The following LRRIQ1 variants were observed in gnomAD, a reference collection of about 807,000 sequenced individuals.
The protein encoded by LRRIQ1 is leucine rich repeats and IQ motif containing 1.
A neutral mutation model predicts 211.9 loss-of-function variants in LRRIQ1; 210 were observed. The ratio of observed to expected loss-of-function variants is 0.99; its 90% CI spans 0.89 to 1.11. The LOEUF (loss-of-function observed/expected upper bound fraction) is 1.11. Ranked by LOEUF, LRRIQ1 falls within the 50% of genes most tolerant of loss-of-function variation. LRRIQ1 has a pLI of 0.00. For missense variants in LRRIQ1, 2,136 were observed against 1,939.5 expected (o/e 1.10, Z -1.90); for synonymous variants, 699 against 650.1 (o/e 1.08, Z -1.14).
In LRRIQ1 at chr12:85,244,800, A is replaced by T; in HGVS notation, c.5028A>T (p.Val1676=). The change falls in exon 27 of 27, where the codon GTA becomes GTT. Residue 1676 remains valine (V), a synonymous_variant. Transcript: ENST00000393217. Reference sequence around the variant, plus strand: ...TCCATTGCTCCCAGGCAAGACTTGTAAGCAGAGAAGACACGGATTTAGACC... The same window carrying T: ...TCCATTGCTCCCAGGCAAGACTTGTTAGCAGAGAAGACACGGATTTAGACC... ...GGRVQLVARL[V]SREDTDLDLF... 6.2e-7 allele frequency: 1 copy of T among 1,611,178 alleles called. No individual in the cohort carries two copies. Among genetic ancestry groups the T allele is most frequent in the South Asian group, 1.1e-5 (1 of 90,948 alleles).
intron 24 of LRRIQ1, among the ~76,000 whole-genome samples, chr12:85,196,799 A>G (rs1892941308): frequency 6.6e-6 from 1 of 152,056 alleles, no homozygotes; most frequent in Non-Finnish European, 1.5e-5. Flanking sequence ...ACCAAAAGCA[A>G]TGGCAACAAA....
At chr12:85,225,120 T>C (rs960487641) in intron 24 of LRRIQ1, among the ~76,000 whole-genome samples, 1 of 152,174 alleles carries the variant, frequency 6.6e-6, no homozygotes, top group Non-Finnish European at 1.5e-5. Flanking sequence ...GCACTTATAC[T>C]GAACATGTAC....
intron 26 of LRRIQ1, among the ~76,000 whole-genome samples, chr12:85,242,376 A>G (rs1390156410): frequency 6.6e-6 from 1 of 151,928 alleles, no homozygotes; most frequent in African/African-American, 2.4e-5. Context: ...GAGTATAACA[A>G]CTATTTATGT....
Position 85,127,842 on chromosome 12 carries a change from G to T in LRRIQ1, c.4018G>T (p.Val1340Leu). ...TTCTCCTCTTAATAGTATGGCAGCT[G>T]TGGTAATCCAGTCATACTGGCGTGG... ...IEPSEKIMAA[V>L]VIQSYWRGYL... The change falls in exon 18 of 27, where the codon GTG becomes TTG. Residue 1340 changes from valine to leucine, a missense_variant. Val to Leu is a conservative substitution (Grantham distance 32, BLOSUM62 1). Transcript: ENST00000393217. The T allele has an allele frequency of 6.2e-7, 1 of 1,613,594 alleles. No homozygotes were observed.
intron 24 of LRRIQ1, among the ~76,000 whole-genome samples, chr12:85,227,154 C>A (rs548316536): frequency 2.0e-5 from 3 of 152,026 alleles, no homozygotes; most frequent in African/African-American, 7.3e-5. Flanking sequence ...TACAGTCCCA[C>A]CAACAGTGTA....
At chr12:85,195,702 A>T (rs1212114715) in intron 24 of LRRIQ1, among the ~76,000 whole-genome samples, 1 of 151,854 alleles carries the variant, frequency 6.6e-6, no homozygotes, top group Admixed American at 6.6e-5. Flanking sequence ...ATCTATGACA[A>T]ACCCACAGCC....
chr12:85,066,215 A>G (rs1026737576), intron 9 of LRRIQ1, among the ~76,000 whole-genome samples: 1 of 151,794 alleles, frequency 6.6e-6, no homozygotes, highest in Non-Finnish European at 1.5e-5. Context: ...CCAAAGTATC[A>G]TTAACTTAAG....
chr12:85,174,077 G>T (rs1367551484), intron 24 of LRRIQ1, among the ~76,000 whole-genome samples: 1 of 151,634 alleles, frequency 6.6e-6, no homozygotes, highest in Admixed American at 6.6e-5. Context: ...ACAAACTAAA[G>T]AAAATATATA....
intron 11 of LRRIQ1, among the ~76,000 whole-genome samples, chr12:85,096,276 T>A (rs1164348360): frequency 6.6e-6 from 1 of 152,198 alleles, no homozygotes. Flanking sequence ...GAGATTTTTC[T>A]AACTTCTTGA....
chr12:85,189,814 T>C (rs1394797316), intron 24 of LRRIQ1, among the ~76,000 whole-genome samples: 1 of 145,760 alleles, frequency 6.9e-6, no homozygotes, highest in Non-Finnish European at 1.5e-5. Flanking sequence ...AACTGTACAG[T>C]TAATATAAAT....
chr12:85,212,801 A>G (rs1035962886), intron 24 of LRRIQ1, among the ~76,000 whole-genome samples: 5 of 149,194 alleles, frequency 3.4e-5, no homozygotes, highest in African/African-American at 9.8e-5. Flanking sequence ...GAGAGAGAGA[A>G]AGAGAGAGAG....
At chr12:85,044,562 A>T (rs1191297313) in intron 3 of LRRIQ1, among the ~76,000 whole-genome samples, 156 bp from the exon 4 acceptor site, 1 of 151,890 alleles carries the variant, frequency 6.6e-6, no homozygotes, top group Non-Finnish European at 1.5e-5. Context: ...TCTATTGTTT[A>T]TTCTTAATAA....
At position 85,098,724 on chromosome 12, in the gene LRRIQ1, T is replaced by C. The variant is rs535112601; in HGVS notation, c.3082-143T>C. The C allele has an allele frequency of 5.9e-5, 41 of 692,170 alleles. No individual in the cohort carries two copies. The South Asian group carries it at 9.1e-4, about 15-fold the overall frequency. 42.9% of individuals were successfully genotyped at this position (692,170 alleles called of 1,614,324 possible). On this transcript the variant is annotated intron_variant, in intron 12 of 26. Coordinates refer to ENST00000393217, the MANE Select transcript of LRRIQ1 (RefSeq NM_001079910.2). ...AGTTAATTAATAGAAATTTTATTCA[T>C]ATTTAAAAAGTCTTATACCTTATGA...
chr12:85,140,691 A>G (rs557976215), intron 19 of LRRIQ1, among the ~76,000 whole-genome samples: 2 of 151,198 alleles, frequency 1.3e-5, no homozygotes, highest in Admixed American at 6.6e-5. Flanking sequence ...AAAGCTTTCA[A>G]TATTTCACCA....
At chr12:85,139,015 A>G (rs1247148936) in intron 19 of LRRIQ1, among the ~76,000 whole-genome samples, 3 of 151,514 alleles carry the variant, frequency 2.0e-5, no homozygotes, top group African/African-American at 7.3e-5. Flanking sequence ...AGAGAAACCT[A>G]TGAAGATTCA....
chr12:85,077,090 A>G (rs1883745189), intron 11 of LRRIQ1, among the ~76,000 whole-genome samples: 1 of 152,192 alleles, frequency 6.6e-6, no homozygotes, highest in South Asian at 2.1e-4. Context: ...TGTGAATGAA[A>G]AACCATCAGA....
At chr12:85,175,253 C>A (rs1347276736) in intron 24 of LRRIQ1, among the ~76,000 whole-genome samples, 16 of 152,066 alleles carry the variant, frequency 1.1e-4, no homozygotes, top group African/African-American at 3.9e-4. Flanking sequence ...AAAGGAATTT[C>A]ATGATGATAG....
intron 24 of LRRIQ1, among the ~76,000 whole-genome samples, chr12:85,194,921 G>A (rs1286434197): frequency 7.2e-5 from 11 of 152,046 alleles, no homozygotes; most frequent in South Asian, 4.2e-4. Flanking sequence ...TTGATAGACC[G>A]CTAGCAAGAC....
chr12:85,147,426 A>G (rs1889962256), intron 19 of LRRIQ1, among the ~76,000 whole-genome samples: 1 of 151,816 alleles, frequency 6.6e-6, no homozygotes, highest in South Asian at 2.1e-4. Flanking sequence ...CCCTTACCAT[A>G]GGCATCTGTA....
Sources: allele counts gnomAD v4.1 joint callset (sites outside exome capture counted in the v4.1 genomes callset), GRCh38; gene constraint gnomAD v4.1.1; transcripts MANE v1.5; gene names NCBI Gene and HGNC (gene_info 2026-07-23, HGNC 2026-07-21).